Variants in PPM1K observed in about 807,000 individuals in gnomAD.
PPM1K encodes protein phosphatase, Mg2+/Mn2+ dependent 1K, also known as protein phosphatase Mn(2+)-dependent 1K.
In PPM1K, 19 loss-of-function variants were observed where a neutral mutation model predicts 32.6. The observed-to-expected ratio is 0.58, with a 90% CI of 0.41 to 0.86. PPM1K has a LOEUF of 0.86. PPM1K is among the 40% of genes least tolerant of loss of function. The pLI is 0.00. For synonymous variants in PPM1K, 159 were observed against 165.3 expected, an observed-to-expected ratio of 0.96 and a Z score of 0.29; for missense variants, 362 against 461.2, an observed-to-expected ratio of 0.78 and a Z score of 1.97.
Position 88,261,314 on chromosome 4 carries a change from T to G in PPM1K, c.*1281A>C, listed in dbSNP as rs1731105550. On this transcript the variant is annotated 3_prime_UTR_variant, in exon 7 of 7. Coordinates refer to ENST00000608933, the MANE Select transcript of PPM1K (RefSeq NM_152542.5). Reference sequence around the variant, plus strand: ...TTAGAAAATGAGCAAAAAGGAGACATAAAACTCAAGCTATGTCTATAGCAG... The same window carrying G: ...TTAGAAAATGAGCAAAAAGGAGACAGAAAACTCAAGCTATGTCTATAGCAG... 1 of 152,200 alleles carries G rather than the reference T, an allele frequency of 6.6e-6. No individual in the cohort carries two copies. Among genetic ancestry groups the G allele is most frequent in the South Asian group, 2.1e-4 (1 of 4,832 alleles). 9.4% of individuals were successfully genotyped at this position (152,200 alleles called of 1,614,324 possible).
intron 3 of PPM1K, chr4:88,271,136 C>T (rs751524864): frequency 2.5e-5 from 13 of 518,052 alleles, no homozygotes; most frequent in African/African-American, 1.3e-4. Context: ...ACTGAAGCCC[C>T]GCATATAGTG....
chr4:88,282,332 T>C (rs557874795), intron 1 of PPM1K, among the ~76,000 whole-genome samples: 9 of 152,204 alleles, frequency 5.9e-5, no homozygotes, highest in Admixed American at 2.0e-4. Context: ...GCCAAAATTA[T>C]TCAGGAGTTC....
intron 5 of PPM1K, among the ~76,000 whole-genome samples, 199 bp downstream of exon 5, chr4:88,267,991 A>G (rs1033149627): frequency 5.3e-5 from 8 of 152,192 alleles, no homozygotes; most frequent in Non-Finnish European, 1.0e-4. Flanking sequence ...GGAAAAAGAG[A>G]ATTGTTTTGT....
Position 88,265,131 on chromosome 4 carries a change from T to C in PPM1K, c.857A>G (p.His286Arg). Reference sequence around the variant, plus strand: ...GACCAGGAAGCTGTCATCAGCATGATGTAACTGCAATCAGAACCAAATGCC... The same window carrying C: ...GACCAGGAAGCTGTCATCAGCATGACGTAACTGCAATCAGAACCAAATGCC... Reference protein sequence around the residue: ...AEPETKRIKLHHADDSFLVLT... With the variant: ...AEPETKRIKLRHADDSFLVLT... Residue 286 changes from histidine (H) to arginine (R), a missense_variant, in exon 6 of 7, where the codon CAT becomes CGT. Coordinates refer to ENST00000608933, the MANE Select transcript of PPM1K (RefSeq NM_152542.5). 6.2e-7 allele frequency: 1 copy of C among 1,614,218 alleles called. No homozygotes were observed. The highest frequency in any genetic ancestry group is 8.5e-7 in the Non-Finnish European group (1 of 1,180,024).
chr4:88,270,036 CACTGTTA>C (rs1456100250), intron 3 of PPM1K, among the ~76,000 whole-genome samples: 1 of 152,202 alleles, frequency 6.6e-6, no homozygotes, highest in Non-Finnish European at 1.5e-5. Context: ...TCTTTAGTAA[CACTGTTA>C]ACTCTTTAAA....
intron 1 of PPM1K, among the ~76,000 whole-genome samples, chr4:88,280,101 GTTTA>G (rs1225914628): frequency 2.6e-5 from 4 of 152,228 alleles, no homozygotes; most frequent in East Asian, 3.9e-4. Context: ...ATCCTTAGGT[GTTTA>G]TTTGTTTTAA....
chr4:88,276,935 A>C, intron 3 of PPM1K: 1 of 709,530 alleles, frequency 1.4e-6, no homozygotes, highest in Non-Finnish European at 2.0e-6. Flanking sequence ...TCTCCAATAT[A>C]TTTCATTTAA....
intron 3 of PPM1K, chr4:88,274,862 C>A: frequency 4.1e-6 from 1 of 242,168 alleles, no homozygotes; most frequent in Non-Finnish European, 6.6e-6. Context: ...GGCAACTTAT[C>A]AAGAATAAAA....
At position 88,265,094 on chromosome 4, in the gene PPM1K, A is replaced by G; in HGVS notation, c.894T>C (p.Asp298=). The G allele has an allele frequency of 6.2e-7, 1 of 1,614,182 alleles. No homozygotes were observed. Among genetic ancestry groups the G allele is most frequent in the Non-Finnish European group, 8.5e-7 (1 of 1,179,998 alleles). The part of the protein sequence containing the change: ...ADDSFLVLTT[D]GINFMVNSQE... The stretch of plus-strand genomic sequence containing the variant: ...GACTATTCACCATGAAGTTAATTCC[A>G]TCTGTGGTGAGGACCAGGAAGCTGT... The change falls in exon 6 of 7, where the codon GAT becomes GAC. Residue 298 remains aspartate, a synonymous_variant. Coordinates refer to ENST00000608933, the MANE Select transcript of PPM1K (RefSeq NM_152542.5).
intron 3 of PPM1K, 93 bp downstream of exon 3, chr4:88,277,050 C>A: frequency 1.1e-6 from 1 of 940,540 alleles, no homozygotes; most frequent in Non-Finnish European, 1.7e-6. Flanking sequence ...CCATTAAAAT[C>A]CCCTCCCCCA....
intron 5 of PPM1K, among the ~76,000 whole-genome samples, chr4:88,266,182 C>G (rs1731295379): frequency 6.6e-6 from 1 of 152,240 alleles, no homozygotes; most frequent in South Asian, 2.1e-4. Context: ...TGGAAGCCTA[C>G]ACTATACTGT....
intron 1 of PPM1K, among the ~76,000 whole-genome samples, chr4:88,280,274 T>A (rs1731957604): frequency 6.6e-6 from 1 of 151,998 alleles, no homozygotes; most frequent in South Asian, 2.1e-4. Flanking sequence ...TTAAAAAAAA[T>A]ATGAGCTCTG....
At position 88,257,913 on chromosome 4, in the gene PPM1K, A is replaced by G. The variant is rs181639010; in HGVS notation, c.*4682T>C. ...TCATTCTTGGAAGTGGAAGAACTCC[A>G]TGATTTCACAGCCTAGAACACTAAG... is the stretch of plus-strand genomic sequence containing the variant. On this transcript the variant is annotated 3_prime_UTR_variant, in exon 7 of 7. Coordinates refer to ENST00000608933, the MANE Select transcript of PPM1K (RefSeq NM_152542.5). The G allele has an allele frequency of 1.3e-5, 2 of 152,348 alleles. No homozygotes were observed. Among genetic ancestry groups the G allele is most frequent in the Non-Finnish European group, 2.9e-5 (2 of 68,030 alleles). The allele number at this position is 152,348 out of a possible 1,614,324, so 9.4% of individuals were successfully genotyped here.
chr4:88,275,083 T>C, intron 3 of PPM1K: 1 of 748,604 alleles, frequency 1.3e-6, no homozygotes, highest in Non-Finnish European at 1.6e-6. Flanking sequence ...ATATGAAAAA[T>C]ACATTTTAAA....
rs1435731389 is a variant in PPM1K, at chr4:88,258,360, G to A, written c.*4235C>T. On this transcript the variant is annotated 3_prime_UTR_variant, in exon 7 of 7. Transcript: ENST00000608933. ...TCACTTAAAAAATAATTTCCTAGGA[G>A]GGCACAGTGCTGTAATCCCAGCAAT... 6.6e-6 allele frequency: 1 copy of A among 151,886 alleles called. No individual in the cohort carries two copies. The highest frequency in any genetic ancestry group is 1.5e-5 in the Non-Finnish European group (1 of 67,918). 9.4% of individuals were successfully genotyped at this position (151,886 alleles called of 1,614,324 possible). A position where few individuals can be genotyped will look rare whatever the true frequency, so the allele number is the denominator to read the frequency against.
At chr4:88,275,133 A>G in intron 3 of PPM1K, 2 of 546,306 alleles carry the variant, frequency 3.7e-6, no homozygotes, top group Non-Finnish European at 4.7e-6. Flanking sequence ...TTCAAAGCAT[A>G]TGATAGAGGA....
rs1187992361 is a variant in PPM1K, at chr4:88,261,153, T to G, written c.*1442A>C. 1 of 152,172 alleles carries G rather than the reference T, an allele frequency of 6.6e-6. No individual in the cohort carries two copies. Among genetic ancestry groups the G allele is most frequent in the African/African-American group, 2.4e-5 (1 of 41,442 alleles). The allele number at this position is 152,172 out of a possible 1,614,324, so 9.4% of individuals were successfully genotyped here. A position where few individuals can be genotyped will look rare whatever the true frequency, so the allele number is the denominator to read the frequency against. On this transcript the variant is annotated 3_prime_UTR_variant, in exon 7 of 7. Transcript: ENST00000608933. ...CTACGGAAATAATTCCAAATACACATTTAGAAATTCACATTTTAACAGCAA... is the reference window on the plus strand; with the variant it reads ...CTACGGAAATAATTCCAAATACACAGTTAGAAATTCACATTTTAACAGCAA...
rs1397641443 is a variant in PPM1K at position 88,260,073 on chromosome 4, T to C, written c.*2522A>G. Reference sequence around the variant, plus strand: ...TATTTGTTTATTTATTTATCTGAGATGGAGTTTTTGCTCTGCTGTCCAGGC... The same window carrying C: ...TATTTGTTTATTTATTTATCTGAGACGGAGTTTTTGCTCTGCTGTCCAGGC... On this transcript the variant is annotated 3_prime_UTR_variant, in exon 7 of 7. Transcript: ENST00000608933. 1 of 152,184 alleles carries C rather than the reference T, an allele frequency of 6.6e-6. No individual in the cohort carries two copies. The highest frequency in any genetic ancestry group is 1.5e-5 in the Non-Finnish European group (1 of 68,026). 9.4% of individuals were successfully genotyped at this position (152,184 alleles called of 1,614,324 possible).
chr4:88,274,902 T>TA, intron 3 of PPM1K: 2 of 302,494 alleles, frequency 6.6e-6, no homozygotes, highest in Non-Finnish European at 9.7e-6. Context: ...CACTAATTTT[T>TA]AAAAAACACA....
Sources: gnomAD v4.1 joint callset for allele counts (sites outside exome capture counted in the v4.1 genomes callset) on GRCh38, gnomAD v4.1.1 for gene constraint, MANE v1.5 for transcripts, NCBI Gene and HGNC (gene_info 2026-07-23, HGNC 2026-07-21) for gene names.